Variants in PPARGC1A observed in about 807,000 individuals in gnomAD.
PPARGC1A encodes the protein PPARG coactivator 1 alpha.
A neutral mutation model predicts 88.7 loss-of-function variants in PPARGC1A; 25 were observed. That is an observed-to-expected ratio of 0.28 (90% CI 0.21 to 0.39). The LOEUF (loss-of-function observed/expected upper bound fraction) is 0.39, where lower values mean the gene tolerates loss of function less well. PPARGC1A is among the 10% of genes least tolerant of loss of function. The pLI, the probability that PPARGC1A is intolerant of heterozygous loss-of-function variation, is 1.00. For synonymous variants in PPARGC1A, 363 were observed against 355.6 expected, an observed-to-expected ratio of 1.02 and a Z score of -0.24; for missense variants, 880 against 968.7, an observed-to-expected ratio of 0.91 and a Z score of 1.22.
At position 23,795,528 on chromosome 4, in the gene PPARGC1A, C is replaced by T. The variant is rs550604720; in HGVS notation, c.*294G>A. 1.8e-5 allele frequency: 6 copies of T among 328,720 alleles called. No homozygotes were observed. The highest frequency in any genetic ancestry group is 4.5e-5 in the African/African-American group (2 of 44,900). 20.4% of individuals were successfully genotyped at this position (328,720 alleles called of 1,614,324 possible). On this transcript the variant is annotated 3_prime_UTR_variant, in exon 13 of 13. Coordinates refer to ENST00000264867, the MANE Select transcript of PPARGC1A (RefSeq NM_013261.5). ...ATACACACACACATACATGCACACA[C>T]GCACACTCCATCACCAAGAGACTCC... is the stretch of plus-strand genomic sequence containing the variant.
At chr4:24,306,585 T>A in the PPARGC1A span, among the ~76,000 whole-genome samples, 22 of 152,356 alleles carry the variant, frequency 1.4e-4, no homozygotes, top group South Asian at 4.4e-3. Context: ...CTTGGTGATA[T>A]ACGGCTTGAT....
At position 23,889,884 on chromosome 4, in the gene PPARGC1A, C is replaced by T. The variant is rs750381329; in HGVS notation, c.54+20G>A. 1 of 1,612,178 alleles carries T rather than the reference C, an allele frequency of 6.2e-7. No homozygotes were observed. The highest frequency in any genetic ancestry group is 8.5e-7 in the Non-Finnish European group (1 of 1,178,986). On this transcript the variant is annotated intron_variant, in intron 1 of 12. Coordinates refer to ENST00000264867, the MANE Select transcript of PPARGC1A (RefSeq NM_013261.5). ...GAAGCGTCAGTTGTGGCTGCAGCGC[C>T]GAGCCCTGCCCCAGCTCACCTCGAT...
intron 2 of PPARGC1A, among the ~76,000 whole-genome samples, chr4:23,870,388 T>A (rs569624083): frequency 1.3e-5 from 2 of 152,330 alleles, no homozygotes; most frequent in Admixed American, 1.3e-4. Context: ...AATATAGGAT[T>A]ATTTTCCCTC....
chr4:24,077,404 T>G, the PPARGC1A span, among the ~76,000 whole-genome samples: 1 of 152,148 alleles, frequency 6.6e-6, no homozygotes, highest in Admixed American at 6.6e-5. Flanking sequence ...ATGTCCATTA[T>G]TTTATTCCCA....
chr4:24,097,141 C>T, the PPARGC1A span, among the ~76,000 whole-genome samples: 1 of 152,058 alleles, frequency 6.6e-6, no homozygotes, highest in Admixed American at 6.5e-5. Flanking sequence ...TTGTAAGAAT[C>T]GAGCAACTAA....
At chr4:23,886,800 G>A (rs959881965) in intron 1 of PPARGC1A, among the ~76,000 whole-genome samples, 2 of 151,696 alleles carry the variant, frequency 1.3e-5, no homozygotes, top group South Asian at 4.2e-4. Flanking sequence ...TCAGAGATGG[G>A]GGAGAACTTT....
At chr4:24,071,009 G>A in the PPARGC1A span, among the ~76,000 whole-genome samples, 3 of 152,134 alleles carry the variant, frequency 2.0e-5, no homozygotes, top group Non-Finnish European at 4.4e-5. Context: ...CCTTGTCTAG[G>A]CCAATTATGT....
chr4:24,231,750 T>A, the PPARGC1A span, among the ~76,000 whole-genome samples: 1 of 152,126 alleles, frequency 6.6e-6, no homozygotes, highest in Non-Finnish European at 1.5e-5. Flanking sequence ...TTTTTTTTCT[T>A]CCTTTTTTTG....
chr4:24,199,087 A>G, the PPARGC1A span, among the ~76,000 whole-genome samples: 1 of 152,112 alleles, frequency 6.6e-6, no homozygotes, highest in African/African-American at 2.4e-5. Context: ...GTTGATTGGA[A>G]GAAGGATGTA....
chr4:23,926,844 C>T, the PPARGC1A span, among the ~76,000 whole-genome samples: 4 of 152,288 alleles, frequency 2.6e-5, no homozygotes, highest in Admixed American at 6.5e-5. Flanking sequence ...ACATTATAAT[C>T]GCTAGTTTAT....
the PPARGC1A span, among the ~76,000 whole-genome samples, chr4:24,260,693 A>G: frequency 2.6e-5 from 4 of 151,068 alleles, no homozygotes; most frequent in Admixed American, 6.6e-5. Flanking sequence ...TCTCCTATAC[A>G]TGGTTCCTCA....
At chr4:23,960,765 T>A in the PPARGC1A span, among the ~76,000 whole-genome samples, 1 of 152,252 alleles carries the variant, frequency 6.6e-6, no homozygotes, top group Non-Finnish European at 1.5e-5. Context: ...CATTGTTAAA[T>A]TGCCTGAGGC....
At chr4:23,996,484 C>G in the PPARGC1A span, among the ~76,000 whole-genome samples, 1 of 152,164 alleles carries the variant, frequency 6.6e-6, no homozygotes, top group African/African-American at 2.4e-5. Context: ...CAGGGCCAGT[C>G]AGATCTGATC....
chr4:23,896,002 ATT>A (rs1180572589), intron 1 of PPARGC1A, among the ~76,000 whole-genome samples: 8 of 150,274 alleles, frequency 5.3e-5, no homozygotes, highest in East Asian at 2.0e-4. Context: ...ACACACACAT[ATT>A]TATATTTAAT....
the PPARGC1A span, among the ~76,000 whole-genome samples, chr4:24,450,174 A>G: frequency 6.6e-6 from 1 of 152,216 alleles, no homozygotes; most frequent in Non-Finnish European, 1.5e-5. Flanking sequence ...TCGTTCCCCA[A>G]AAATGGTCTC....
chr4:24,417,762 A>G, the PPARGC1A span, among the ~76,000 whole-genome samples: 10 of 152,224 alleles, frequency 6.6e-5, no homozygotes, highest in African/African-American at 2.4e-4. Flanking sequence ...GCAAATTATA[A>G]AACATGATCT....
At chr4:24,431,700 C>T in the PPARGC1A span, among the ~76,000 whole-genome samples, 2 of 152,196 alleles carry the variant, frequency 1.3e-5, no homozygotes, top group East Asian at 3.8e-4. Flanking sequence ...CCATTCATCT[C>T]CATACATATT....
At chr4:24,443,533 G>A in the PPARGC1A span, among the ~76,000 whole-genome samples, 1 of 151,940 alleles carries the variant, frequency 6.6e-6, no homozygotes, top group Non-Finnish European at 1.5e-5. Context: ...CCCACCAGAG[G>A]GCTTTTGGTT....
chr4:24,234,905 G>T, the PPARGC1A span, among the ~76,000 whole-genome samples: 2 of 152,068 alleles, frequency 1.3e-5, no homozygotes, highest in Admixed American at 6.6e-5. Flanking sequence ...ACAAGTATTT[G>T]CAACATGAAA....
Sources: gnomAD v4.1 joint callset for allele counts (sites outside exome capture counted in the v4.1 genomes callset) on GRCh38, gnomAD v4.1.1 for gene constraint, MANE v1.5 for transcripts, NCBI Gene and HGNC (gene_info 2026-07-23, HGNC 2026-07-21) for gene names.